The following SLC39A9 variants were observed in gnomAD, a reference collection of about 807,000 sequenced individuals.
The protein encoded by SLC39A9 is zinc transporter ZIP9.
SLC39A9 carries 14 observed loss-of-function variants against 28.4 expected under a neutral mutation model. The ratio of observed to expected loss-of-function variants is 0.49; its 90% CI spans 0.33 to 0.77. The LOEUF (loss-of-function observed/expected upper bound fraction) is 0.77. SLC39A9 is among the 30% of genes least tolerant of loss of function. The probability of loss-of-function intolerance (pLI) is 0.02; values close to 1 mark genes in which losing one functional copy is unlikely to be tolerated. For missense variants in SLC39A9, 283 were observed against 381.1 expected (o/e 0.74, Z 2.14); for synonymous variants, 119 against 149.6 (o/e 0.80, Z 1.49).
chr14:69,413,502 A>G (rs1883395186), intron 1 of SLC39A9, among the ~76,000 whole-genome samples: 1 of 152,356 alleles, frequency 6.6e-6, no homozygotes, highest in East Asian at 1.9e-4. Flanking sequence ...ATTAGGTAGG[A>G]TATAATCTCA....
At chr14:69,437,343 T>C (rs774280770) in intron 2 of SLC39A9, among the ~76,000 whole-genome samples, 2 of 152,202 alleles carry the variant, frequency 1.3e-5, no homozygotes, top group Non-Finnish European at 2.9e-5. Flanking sequence ...AGCAACCTCT[T>C]TTCCTGGTCC....
chr14:69,415,077 C>G (rs1203573088), intron 1 of SLC39A9, among the ~76,000 whole-genome samples: 1 of 152,176 alleles, frequency 6.6e-6, no homozygotes, highest in Non-Finnish European at 1.5e-5. Flanking sequence ...GACATCTGAT[C>G]CAGATTGTGG....
chr14:69,407,331 T>TTCCTTCCTTCCTTC (rs1566906764), intron 1 of SLC39A9, among the ~76,000 whole-genome samples: 9,528 of 132,820 alleles, frequency 0.072, 410 homozygotes, highest in Middle Eastern at 0.13. Flanking sequence ...TTCCTTCCTT[T>TTCCTTCCTTCCTTC]CTTCCTTCCT....
chr14:69,442,805 C>A (rs1885109861), intron 3 of SLC39A9, among the ~76,000 whole-genome samples: 1 of 152,112 alleles, frequency 6.6e-6, no homozygotes, highest in Non-Finnish European at 1.5e-5. Context: ...TAATAATATG[C>A]TTGGCTTAAG....
rs149022887 is a variant in SLC39A9 at position 69,405,053 on chromosome 14, C to T, written c.96+5588C>T. ...GAAGTGCTGAGCAAAAGGGGGAAAG[C>T]CCCTTATAAAACCATCAGATCTCGT... On this transcript the variant is annotated intron_variant, in intron 1 of 6. Coordinates refer to ENST00000336643, the MANE Select transcript of SLC39A9 (RefSeq NM_018375.5). Among the ~76,000 whole-genome samples, 29 of 152,224 alleles carry T rather than the reference C, an allele frequency of 1.9e-4. 1 individual carries two copies. In the East Asian group the frequency reaches 4.4e-3, roughly 23 times the overall value.
intron 3 of SLC39A9, among the ~76,000 whole-genome samples, chr14:69,451,758 C>T (rs979861103): frequency 2.6e-5 from 4 of 152,074 alleles, no homozygotes; most frequent in Admixed American, 6.6e-5. Flanking sequence ...CTCTGTCACC[C>T]GGGCTGGAGT....
chr14:69,434,532 T>G (rs1377613407), intron 2 of SLC39A9, among the ~76,000 whole-genome samples: 1 of 151,964 alleles, frequency 6.6e-6, no homozygotes. Context: ...CAAAAAAATT[T>G]GAAAAATTAG....
At chr14:69,414,183 G>A (rs1375478330) in intron 1 of SLC39A9, among the ~76,000 whole-genome samples, 2 of 152,008 alleles carry the variant, frequency 1.3e-5, no homozygotes, top group African/African-American at 4.8e-5. Flanking sequence ...GAGTAGCTGG[G>A]ACTACAGTTG....
chr14:69,430,604 CCTT>C (rs1884437746), intron 2 of SLC39A9, among the ~76,000 whole-genome samples: 1 of 149,720 alleles, frequency 6.7e-6, no homozygotes, highest in South Asian at 2.1e-4. Context: ...GTAGTGGAGT[CCTT>C]CTTTGTTCTT....
intron 3 of SLC39A9, among the ~76,000 whole-genome samples, chr14:69,450,315 T>C (rs1352030103): frequency 2.6e-5 from 4 of 152,140 alleles, no homozygotes; most frequent in Non-Finnish European, 5.9e-5. Flanking sequence ...AAAGAGAAAT[T>C]TGGAAAATGA....
chr14:69,458,849 A>G lies in SLC39A9; in HGVS notation c.*256A>G. The G allele has an allele frequency of 2.4e-6, 3 of 1,226,846 alleles. No individual in the cohort carries two copies. Among genetic ancestry groups the G allele is most frequent in the Admixed American group, 3.8e-5 (1 of 26,440 alleles). 76.0% of individuals were successfully genotyped at this position (1,226,846 alleles called of 1,614,324 possible). ...AAGGCCCTTGACATTTTGCGTTTTA[A>G]TATTTCTCTTAACCCTATTCTCAGG... On this transcript the variant is annotated 3_prime_UTR_variant, in exon 7 of 7. Transcript: ENST00000336643.
intron 2 of SLC39A9, among the ~76,000 whole-genome samples, chr14:69,427,637 A>G (rs984652661): frequency 1.3e-5 from 2 of 152,306 alleles, no homozygotes; most frequent in East Asian, 1.9e-4. Flanking sequence ...ATCTCTGTCT[A>G]TATAGTTTTG....
In SLC39A9 at chr14:69,398,993, C is replaced by A. The variant is rs897678243; in HGVS notation, c.-377C>A. ...GGAACGAACAGGTTCGCTTGAGTCA[C>A]TTACCCGCCGCCGCCTAAGACATTG... is the stretch of plus-strand genomic sequence containing the variant. On this transcript the variant is annotated 5_prime_UTR_variant, in exon 1 of 7. Transcript: ENST00000336643. The A allele has an allele frequency of 5.0e-6, 1 of 201,128 alleles. No individual in the cohort carries two copies. Among genetic ancestry groups the A allele is most frequent in the East Asian group, 1.7e-4 (1 of 5,772 alleles). 12.5% of individuals were successfully genotyped at this position (201,128 alleles called of 1,614,324 possible).
rs1320458972 is a variant in SLC39A9 at position 69,458,491 on chromosome 14, G to A, written c.822G>A (p.Lys274=). ...TGGGCGGAATAGGGCACAGCCACAA[G>A]CCCGATGCCACGGGAGGGAGAGGCC... The part of the protein sequence containing the change: ...PEVGGIGHSH[K]PDATGGRGLS... The change falls in exon 7 of 7, where the codon AAG becomes AAA. Residue 274 remains lysine (K), a synonymous_variant. Transcript: ENST00000336643. The A allele has an allele frequency of 7.4e-6, 12 of 1,614,140 alleles. No individual in the cohort carries two copies. Among genetic ancestry groups the A allele is most frequent in the Non-Finnish European group, 1.0e-5 (12 of 1,180,052 alleles).
At chr14:69,416,260 TG>T (rs201395135) in intron 1 of SLC39A9, among the ~76,000 whole-genome samples, 297 of 152,294 alleles carry the variant, frequency 2.0e-3, no homozygotes, top group African/African-American at 6.7e-3. Context: ...CTCAGAATGA[TG>T]GTTTCCAGCT....
intron 4 of SLC39A9, among the ~76,000 whole-genome samples, chr14:69,454,215 A>G (rs138300844): frequency 1.6e-4 from 25 of 152,356 alleles, no homozygotes; most frequent in African/African-American, 5.3e-4. Flanking sequence ...CATTCATTCA[A>G]CCAGTGTTTA....
chr14:69,435,285 A>G (rs1380195129), intron 2 of SLC39A9, among the ~76,000 whole-genome samples: 2 of 152,172 alleles, frequency 1.3e-5, no homozygotes, highest in Non-Finnish European at 2.9e-5. Context: ...CTTTTTAATC[A>G]TTGTGCAATA....
At chr14:69,401,637 T>G (rs1882641831) in intron 1 of SLC39A9, among the ~76,000 whole-genome samples, 1 of 152,176 alleles carries the variant, frequency 6.6e-6, no homozygotes, top group Non-Finnish European at 1.5e-5. Context: ...AAGGAAATGT[T>G]TACAGGAGTG....
chr14:69,455,609 T>G, intron 5 of SLC39A9, 123 bp from the exon 6 acceptor site: 1 of 1,343,758 alleles, frequency 7.4e-7, no homozygotes, highest in Non-Finnish European at 1.0e-6. Context: ...CATTAGCCAC[T>G]GTGCCTGGCC....
Sources: gnomAD v4.1 joint callset for allele counts (sites outside exome capture counted in the v4.1 genomes callset) on GRCh38, gnomAD v4.1.1 for gene constraint, MANE v1.5 for transcripts, NCBI Gene and HGNC (gene_info 2026-07-23, HGNC 2026-07-21) for gene names.